PYHIN1: variants seen among roughly 807,000 people sequenced by gnomAD.
PYHIN1 encodes pyrin and HIN domain family member 1.
A neutral mutation model predicts 43.7 loss-of-function variants in PYHIN1; 32 were observed. That is an observed-to-expected ratio of 0.73 (90% CI 0.55 to 0.98). The LOEUF is 0.98. Ranked by LOEUF, PYHIN1 falls within the 50% of genes least tolerant of loss-of-function variation. PYHIN1 has a pLI of 0.00. For missense variants in PYHIN1, 588 were observed against 589.5 expected, an observed-to-expected ratio of 1.00 and a Z score of 0.03; for synonymous variants, 205 against 203.1, an observed-to-expected ratio of 1.01 and a Z score of -0.08.
At chr1:158,948,375 T>G (rs1354947412) in intron 7 of PYHIN1, among the ~76,000 whole-genome samples, 2 of 152,184 alleles carry the variant, frequency 1.3e-5, no homozygotes, top group Non-Finnish European at 2.9e-5. Flanking sequence ...CAAATTGTCA[T>G]GAAAGGTTTC....
chr1:158,972,251 T>G (rs1650974451), intron 7 of PYHIN1, among the ~76,000 whole-genome samples: 1 of 152,106 alleles, frequency 6.6e-6, no homozygotes, highest in Non-Finnish European at 1.5e-5. Context: ...AAACCCCATC[T>G]GGTAGTTCTT....
chr1:158,955,749 A>C (rs1649876603), intron 7 of PYHIN1, among the ~76,000 whole-genome samples: 2 of 94,376 alleles, frequency 2.1e-5, no homozygotes, highest in African/African-American at 3.9e-5. Context: ...AAATAACTAA[A>C]ATCAGAGCAG....
chr1:158,960,241 G>A (rs532349201), intron 7 of PYHIN1, among the ~76,000 whole-genome samples: 1 of 152,318 alleles, frequency 6.6e-6, no homozygotes, highest in South Asian at 2.1e-4. Context: ...TATGAATGGA[G>A]CCCTTGCTCA....
At chr1:158,941,471 T>A (rs2101656168) in intron 4 of PYHIN1, among the ~76,000 whole-genome samples, 1 of 152,282 alleles carries the variant, frequency 6.6e-6, no homozygotes, top group Middle Eastern at 3.4e-3. Flanking sequence ...TTAACAGCAT[T>A]TATCTTAGGC....
chr1:158,955,123 A>G (rs1391101362), intron 7 of PYHIN1, among the ~76,000 whole-genome samples: 2 of 152,048 alleles, frequency 1.3e-5, no homozygotes, highest in Middle Eastern at 3.4e-3. Flanking sequence ...TGACCTACAA[A>G]GAGACTTAGA....
intron 7 of PYHIN1, 56 bp from the exon 8 acceptor site, chr1:158,973,591 A>T: frequency 6.3e-7 from 1 of 1,598,888 alleles, no homozygotes; most frequent in Non-Finnish European, 8.6e-7. Flanking sequence ...AGCAGAAAAA[A>T]CCAGTTCTTT....
At position 158,937,189 on chromosome 1, in the gene PYHIN1, G is replaced by A; in HGVS notation, c.265+14G>A. 6.4e-7 allele frequency: 1 copy of A among 1,557,704 alleles called. No individual in the cohort carries two copies. Among genetic ancestry groups the A allele is most frequent in the East Asian group, 2.2e-5 (1 of 44,486 alleles). ...AAAAGTTAAAAGGTAATTGGGAAGAGGGAACACCCACTCCCTGCAATGATC... is the reference window on the plus strand; with the variant it reads ...AAAAGTTAAAAGGTAATTGGGAAGAAGGAACACCCACTCCCTGCAATGATC... On this transcript the variant is annotated intron_variant, in intron 2 of 8. Coordinates refer to ENST00000368140, the MANE Select transcript of PYHIN1 (RefSeq NM_152501.5).
chr1:158,946,029 T>A (rs1192336720), intron 7 of PYHIN1, among the ~76,000 whole-genome samples: 1 of 152,208 alleles, frequency 6.6e-6, no homozygotes, highest in East Asian at 1.9e-4. Context: ...CAATTTATGA[T>A]TATATGGGGC....
intron 7 of PYHIN1, among the ~76,000 whole-genome samples, chr1:158,963,467 A>G (rs988347028): frequency 2.0e-5 from 3 of 152,098 alleles, no homozygotes; most frequent in African/African-American, 7.2e-5. Flanking sequence ...TGGCGAGGGA[A>G]CATAAAATCT....
downstream of PYHIN1, among the ~76,000 whole-genome samples, chr1:158,978,472 T>C (rs1651371614): frequency 6.6e-6 from 1 of 152,148 alleles, no homozygotes; most frequent in African/African-American, 2.4e-5. Flanking sequence ...TGTCACAAAC[T>C]GCTAAAACAT....
the PYHIN1 span, among the ~76,000 whole-genome samples, chr1:158,986,012 G>T: frequency 6.6e-6 from 1 of 151,976 alleles, no homozygotes; most frequent in Non-Finnish European, 1.5e-5. Flanking sequence ...AGGTTAGTTT[G>T]GTTCTTTCTT....
chr1:158,950,705 G>A (rs1050744359), intron 7 of PYHIN1, among the ~76,000 whole-genome samples: 8 of 152,272 alleles, frequency 5.3e-5, no homozygotes, highest in South Asian at 4.1e-4. Flanking sequence ...TGCCAATAGC[G>A]TGGCAGGGTA....
At chr1:158,955,488 G>T (rs1649861299) in intron 7 of PYHIN1, among the ~76,000 whole-genome samples, 1 of 152,000 alleles carries the variant, frequency 6.6e-6, no homozygotes. Context: ...TGAACAACCT[G>T]CTCCTGAATG....
At chr1:158,960,107 C>T (rs1214336559) in intron 7 of PYHIN1, among the ~76,000 whole-genome samples, 1 of 152,200 alleles carries the variant, frequency 6.6e-6, no homozygotes, top group Non-Finnish European at 1.5e-5. Flanking sequence ...TACAAGCTCT[C>T]TATTTTGTTT....
chr1:158,945,452 A>T (rs1649171109), intron 7 of PYHIN1: 1 of 153,660 alleles, frequency 6.5e-6, no homozygotes, highest in African/African-American at 2.4e-5. Context: ...ATATATTTGG[A>T]AACATGCTAT....
chr1:158,939,094 A>G lies in PYHIN1; in HGVS notation c.426A>G (p.Pro142=). 1.9e-6 allele frequency: 3 copies of G among 1,585,200 alleles called. No homozygotes were observed. The highest frequency in any genetic ancestry group is 1.7e-6 in the Non-Finnish European group (2 of 1,172,052). ...ACTACTTGTAGAAAAGAAAAAAACC[A>G]TCTGAAGAAGAGACTGGAACCAAAA... The part of the protein sequence containing the change: ...ETLGPQKRKK[P]SEEETGTKRS... Residue 142 remains proline, a synonymous_variant, in exon 4 of 9, where the codon CCA becomes CCG. Coordinates refer to ENST00000368140, the MANE Select transcript of PYHIN1 (RefSeq NM_152501.5).
chr1:158,978,274 CATATATATATATATAT>C (rs57749637), downstream of PYHIN1, among the ~76,000 whole-genome samples: 3 of 150,810 alleles, frequency 2.0e-5, no homozygotes, highest in Non-Finnish European at 2.9e-5. Context: ...TGTGTCTATA[CATATATATATATATAT>C]ATATATATAT....
At chr1:158,983,051 G>C in the PYHIN1 span, among the ~76,000 whole-genome samples, 6 of 152,198 alleles carry the variant, frequency 3.9e-5, no homozygotes, top group East Asian at 1.2e-3. Context: ...CAAAGGCTAT[G>C]GGGTTTTCTG....
At chr1:158,959,463 A>G (rs1476443693) in intron 7 of PYHIN1, among the ~76,000 whole-genome samples, 1 of 152,228 alleles carries the variant, frequency 6.6e-6, no homozygotes, top group African/African-American at 2.4e-5. Context: ...TAAACAAGCT[A>G]TTTAGATAAA....
Sources: gnomAD v4.1 joint callset for allele counts (sites outside exome capture counted in the v4.1 genomes callset) on GRCh38, gnomAD v4.1.1 for gene constraint, MANE v1.5 for transcripts, NCBI Gene and HGNC (gene_info 2026-07-23, HGNC 2026-07-21) for gene names.